Variants in SAMD13 observed in about 807,000 individuals in gnomAD.
The protein encoded by SAMD13 is sterile alpha motif domain containing 13.
SAMD13 carries 9 observed loss-of-function variants against 12.4 expected under a neutral mutation model. That is an observed-to-expected ratio of 0.72 (90% CI 0.44 to 1.26). The LOEUF (loss-of-function observed/expected upper bound fraction) is 1.26. Among genes scored for constraint, SAMD13 ranks in the 50% most tolerant of loss-of-function variants. SAMD13 has a pLI of 0.00. For missense variants in SAMD13, 84 were observed against 119.6 expected, an observed-to-expected ratio of 0.70 and a Z score of 1.39; for synonymous variants, 46 against 45.4, an observed-to-expected ratio of 1.01 and a Z score of -0.05.
intron 3 of SAMD13, among the ~76,000 whole-genome samples, chr1:84,346,353 A>G (rs999070072): frequency 1.3e-5 from 2 of 152,234 alleles, no homozygotes; most frequent in African/African-American, 4.8e-5. Context: ...CTGGAACTTA[A>G]TAAGTATGTA....
intron 2 of SAMD13, among the ~76,000 whole-genome samples, chr1:84,321,952 C>T (rs1237386959): frequency 6.6e-6 from 1 of 152,182 alleles, no homozygotes; most frequent in African/African-American, 2.4e-5. Context: ...TGGTTTATGC[C>T]CGTGGAGACG....
At chr1:84,303,101 G>T in intron 1 of SAMD13, 102 bp from the exon 2 acceptor site, 1 of 805,712 alleles carries the variant, frequency 1.2e-6, no homozygotes, top group Non-Finnish European at 2.1e-6. Context: ...ACGTGAACTG[G>T]TGTGAAGCTG....
chr1:84,313,676 G>A (rs1158421497), intron 2 of SAMD13, among the ~76,000 whole-genome samples: 1 of 152,008 alleles, frequency 6.6e-6, no homozygotes, highest in Non-Finnish European at 1.5e-5. Flanking sequence ...GAGAACTACT[G>A]CAGTAGAAAG....
intron 3 of SAMD13, among the ~76,000 whole-genome samples, chr1:84,326,381 A>G (rs542833944): frequency 3.3e-5 from 5 of 152,266 alleles, no homozygotes; most frequent in African/African-American, 1.2e-4. Flanking sequence ...AGTGCCTATG[A>G]TAGGTTCTGG....
intron 3 of SAMD13, among the ~76,000 whole-genome samples, chr1:84,332,010 C>T (rs1255298066): frequency 2.6e-5 from 4 of 152,052 alleles, no homozygotes; most frequent in Non-Finnish European, 5.9e-5. Flanking sequence ...TGCATTAGTT[C>T]GCATAGGATA....
intron 2 of SAMD13, among the ~76,000 whole-genome samples, chr1:84,310,507 T>A (rs1678686146): frequency 6.6e-6 from 1 of 152,228 alleles, no homozygotes; most frequent in South Asian, 2.1e-4. Context: ...CATAAAATTT[T>A]CATTGGGCAT....
At chr1:84,299,581 A>G (rs760210240), upstream of SAMD13, 9 of 1,507,446 alleles carry the variant, frequency 6.0e-6, no homozygotes, top group South Asian at 1.3e-5. Context: ...TTTATGCTAC[A>G]TACTACACAC....
At chr1:84,303,070 A>C in intron 1 of SAMD13, 133 bp from the exon 2 acceptor site, 6 of 627,548 alleles carry the variant, frequency 9.6e-6, no homozygotes, top group African/African-American at 1.9e-5. Flanking sequence ...CGCCGAGGGA[A>C]CTGGAGATTT....
intron 2 of SAMD13, among the ~76,000 whole-genome samples, chr1:84,323,434 T>A (rs1483495238): frequency 6.6e-6 from 1 of 152,210 alleles, no homozygotes; most frequent in Non-Finnish European, 1.5e-5. Context: ...TGTGTGCATA[T>A]GGGTATGTGT....
chr1:84,314,845 C>G (rs1678794318), intron 2 of SAMD13, among the ~76,000 whole-genome samples: 1 of 152,122 alleles, frequency 6.6e-6, no homozygotes, highest in Non-Finnish European at 1.5e-5. Context: ...TAATTCAAAC[C>G]TGAAAAGTGA....
intron 3 of SAMD13, among the ~76,000 whole-genome samples, chr1:84,348,106 C>T (rs917943875): frequency 4.6e-5 from 7 of 152,102 alleles, no homozygotes; most frequent in Admixed American, 3.3e-4. Context: ...CTGGTCCTGT[C>T]GAGAATGATG....
intron 3 of SAMD13, among the ~76,000 whole-genome samples, chr1:84,331,299 G>A (rs1679175937): frequency 9.3e-6 from 1 of 107,322 alleles, no homozygotes; most frequent in South Asian, 3.4e-4. Context: ...GGAGCCTAAA[G>A]TTTATGCAAT....
rs1302928491 is a variant in SAMD13, at chr1:84,303,251, T to A, written c.17T>A (p.Met6Lys). The A allele has an allele frequency of 6.2e-7, 1 of 1,613,060 alleles. No individual in the cohort carries two copies. Among genetic ancestry groups the A allele is most frequent in the East Asian group, 2.2e-5 (1 of 44,870 alleles). The change falls in exon 2 of 4, where the codon ATG becomes AAG. Residue 6 changes from methionine to lysine, a missense_variant. Coordinates refer to ENST00000394834, the MANE Select transcript of SAMD13 (RefSeq NM_001134663.2). Reference protein sequence around the residue: MLSVDMENKENGSVGV... With the variant: MLSVDKENKENGSVGV... Reference sequence around the variant, plus strand: ...AGCCTTCCCATGCTATCTGTTGACATGGAAAACAAGGAAAATGGCTCTGTC... The same window carrying A: ...AGCCTTCCCATGCTATCTGTTGACAAGGAAAACAAGGAAAATGGCTCTGTC...
intron 1 of SAMD13, 91 bp downstream of exon 1, chr1:84,301,892 G>GTGTTT (rs950661062): frequency 2.0e-6 from 1 of 506,390 alleles, no homozygotes; most frequent in African/African-American, 2.1e-5. Flanking sequence ...ATCATTGTGA[G>GTGTTT]TGTTTTGTTT....
At chr1:84,306,907 C>A (rs1451038459) in intron 2 of SAMD13, among the ~76,000 whole-genome samples, 2 of 151,014 alleles carry the variant, frequency 1.3e-5, no homozygotes, top group Admixed American at 1.3e-4. Flanking sequence ...TCTTTTTGTT[C>A]CTCATCTTTT....
In SAMD13 at chr1:84,343,674, G is replaced by A. The variant is rs1265922816; in HGVS notation, c.166-5957G>A. Among the ~76,000 whole-genome samples the A allele has an allele frequency of 2.6e-5, 4 of 152,132 alleles. No individual in the cohort carries two copies. The East Asian group carries it at 7.7e-4, about 29-fold the overall frequency. On this transcript the variant is annotated intron_variant, in intron 3 of 3. Transcript: ENST00000394834. ...AAGAATGAGAACACATCGACACAGGGAGGGGAACAACACACACTGGGGCCT... is the reference window on the plus strand; with the variant it reads ...AAGAATGAGAACACATCGACACAGGAAGGGGAACAACACACACTGGGGCCT...
chr1:84,328,426 G>A (rs1486832514), intron 3 of SAMD13, among the ~76,000 whole-genome samples: 1 of 152,208 alleles, frequency 6.6e-6, no homozygotes, highest in Admixed American at 6.5e-5. Flanking sequence ...TGGTCCAGAA[G>A]CTTGAGTTTC....
At position 84,349,671 on chromosome 1, in the gene SAMD13, A is replaced by T. The variant is rs1484453369; in HGVS notation, c.206A>T (p.Asp69Val). 3 of 1,613,742 alleles carry T rather than the reference A, an allele frequency of 1.9e-6. No homozygotes were observed. The highest frequency in any genetic ancestry group is 2.5e-6 in the Non-Finnish European group (3 of 1,179,842). The change falls in exon 4 of 4, where the codon GAT becomes GTT. Residue 69 changes from aspartate (D) to valine (V), a missense_variant. Asp to Val is a radical substitution (Grantham distance 152, BLOSUM62 -3). Transcript: ENST00000394834. ...GKSLLLMTRN[D>V]VLTGLQLKLG... is the part of the protein sequence containing the mutation. The stretch of plus-strand genomic sequence containing the variant: ...TCCCTGCTATTGATGACAAGAAATG[A>T]TGTGTTGACAGGACTTCAGTTAAAA...
At chr1:84,308,292 A>T (rs527274601) in intron 2 of SAMD13, among the ~76,000 whole-genome samples, 4 of 152,330 alleles carry the variant, frequency 2.6e-5, no homozygotes, top group East Asian at 1.9e-4. Flanking sequence ...GACAGGGCAG[A>T]GTTAGATTAT....
Sources: gnomAD v4.1 joint callset for allele counts (sites outside exome capture counted in the v4.1 genomes callset) on GRCh38, gnomAD v4.1.1 for gene constraint, MANE v1.5 for transcripts, NCBI Gene and HGNC (gene_info 2026-07-23, HGNC 2026-07-21) for gene names.